VWA8: variants seen among roughly 807,000 people sequenced by gnomAD.
VWA8 encodes von Willebrand factor A domain-containing protein 8.
Under a neutral mutation model 241.5 loss-of-function variants are expected in VWA8, and 221 were observed. The observed-to-expected ratio is 0.91, with a 90% CI of 0.82 to 1.02. VWA8 has a LOEUF of 1.02. Ranked by LOEUF, VWA8 falls within the 50% of genes least tolerant of loss-of-function variation. The pLI is 0.00. For synonymous variants in VWA8, 852 were observed against 827.1 expected (o/e 1.03, Z -0.52); for missense variants, 2,322 against 2,328.7 (o/e 1.00, Z 0.06).
At chr13:41,902,295 A>G (rs1301629749) in intron 4 of VWA8, among the ~76,000 whole-genome samples, 2 of 152,236 alleles carry the variant, frequency 1.3e-5, no homozygotes, top group Admixed American at 1.3e-4. Context: ...AAACACTATA[A>G]ACTTTATATA....
chr13:41,943,979 C>A (rs894979491), intron 2 of VWA8, among the ~76,000 whole-genome samples: 2 of 151,952 alleles, frequency 1.3e-5, no homozygotes, highest in Non-Finnish European at 2.9e-5. Context: ...GTGGCGTGAG[C>A]CTGTAATCCC....
intron 21 of VWA8, among the ~76,000 whole-genome samples, chr13:41,746,199 G>A (rs2045605389): frequency 3.9e-5 from 6 of 152,062 alleles, no homozygotes; most frequent in African/African-American, 4.8e-5. Context: ...GATTTTTAAC[G>A]TTTTTCTCAA....
In VWA8 at chr13:41,732,146, T is replaced by A. The variant is rs780274879; in HGVS notation, c.2436A>T (p.Thr812=). 6.2e-7 allele frequency: 1 copy of A among 1,611,766 alleles called. No homozygotes were observed. Among genetic ancestry groups the A allele is most frequent in the Admixed American group, 1.7e-5 (1 of 59,910 alleles). Residue 812 remains threonine, a synonymous_variant, in exon 22 of 45, where the codon ACA becomes ACT. Coordinates refer to ENST00000379310, the MANE Select transcript of VWA8 (RefSeq NM_015058.2). ...REYIQLHRDT[T]VQTLTLQPSV... The stretch of plus-strand genomic sequence containing the variant: ...AAGGCTGAAGCGTAAGAGTTTGTAC[T>A]GTGGTATCCCTAAAGTAAAACCAAC...
At chr13:41,882,424 T>A (rs1276032736) in intron 9 of VWA8, among the ~76,000 whole-genome samples, 1 of 152,094 alleles carries the variant, frequency 6.6e-6, no homozygotes, top group Non-Finnish European at 1.5e-5. Context: ...GAGGCTGCAA[T>A]CTCGGCACTT....
rs1426864483 is a variant in VWA8, at chr13:41,703,406, G to A, written c.3122C>T (p.Thr1041Ile). 1.2e-6 allele frequency: 2 copies of A among 1,613,766 alleles called. No homozygotes were observed. Among genetic ancestry groups the A allele is most frequent in the Non-Finnish European group, 1.7e-6 (2 of 1,179,876 alleles). Residue 1041 changes from threonine to isoleucine, a missense_variant, in exon 27 of 45, where the codon ACT becomes ATT. Thr to Ile is a moderately conservative substitution (Grantham distance 89). Transcript: ENST00000379310. Reference protein sequence around the residue: ...PTSVQLAKELTLPEQTFMGYW... With the variant: ...PTSVQLAKELILPEQTFMGYW... ...GCCCATGAACGTTTGTTCTGGCAGA[G>A]TCAACCTGTTAAGGATGATTTGCAA... is the stretch of plus-strand genomic sequence containing the variant.
At chr13:41,815,913 G>A (rs1464460459) in intron 16 of VWA8, among the ~76,000 whole-genome samples, 1 of 152,144 alleles carries the variant, frequency 6.6e-6, no homozygotes, top group Non-Finnish European at 1.5e-5. Context: ...TGCTTAACTG[G>A]TGAGATTTGT....
chr13:41,808,839 G>A (rs1336264500), intron 17 of VWA8, among the ~76,000 whole-genome samples: 1 of 144,778 alleles, frequency 6.9e-6, no homozygotes, highest in African/African-American at 2.4e-5. Flanking sequence ...GATGATATGA[G>A]CTTATACTTG....
intron 2 of VWA8, among the ~76,000 whole-genome samples, chr13:41,932,338 A>T (rs916655309): frequency 1.3e-5 from 2 of 152,048 alleles, no homozygotes; most frequent in Non-Finnish European, 2.9e-5. Flanking sequence ...CGAAAAGAAA[A>T]CCCTGGGCCA....
At chr13:41,910,467 C>T (rs1029945766) in intron 3 of VWA8, among the ~76,000 whole-genome samples, 1 of 151,816 alleles carries the variant, frequency 6.6e-6, no homozygotes, top group African/African-American at 2.4e-5. Context: ...CGTCAGTAGT[C>T]CCAGCTAATG....
chr13:41,954,332 C>T (rs914667331), intron 1 of VWA8, among the ~76,000 whole-genome samples: 1 of 152,188 alleles, frequency 6.6e-6, no homozygotes, highest in African/African-American at 2.4e-5. Flanking sequence ...AGAGACAACT[C>T]AACAAACACA....
chr13:41,671,338 A>G (rs2045021979), intron 36 of VWA8, among the ~76,000 whole-genome samples, 191 bp from the exon 37 acceptor site: 1 of 152,218 alleles, frequency 6.6e-6, no homozygotes, highest in Non-Finnish European at 1.5e-5. Context: ...TCTTAAACAA[A>G]CATGCCCAGG....
chr13:41,768,111 A>C (rs2045791638), intron 20 of VWA8, among the ~76,000 whole-genome samples: 1 of 152,254 alleles, frequency 6.6e-6, no homozygotes, highest in African/African-American at 2.4e-5. Flanking sequence ...ATTTGATGAA[A>C]CAAGTATTTC....
intron 12 of VWA8, among the ~76,000 whole-genome samples, chr13:41,856,685 C>T (rs1428996098): frequency 6.6e-6 from 1 of 151,868 alleles, no homozygotes; most frequent in Non-Finnish European, 1.5e-5. Context: ...TTAGCCAAGC[C>T]TGCTGGTGTG....
intron 2 of VWA8, among the ~76,000 whole-genome samples, chr13:41,919,954 C>T (rs1021979111): frequency 6.6e-6 from 1 of 152,078 alleles, no homozygotes; most frequent in Non-Finnish European, 1.5e-5. Flanking sequence ...GTCAAATGGC[C>T]AAAGGGCCTT....
rs1267480520 is a variant in VWA8, at chr13:41,959,504, AAAAAAAC to A, written c.163+1342_163+1348del. On this transcript the variant is annotated intron_variant, in intron 1 of 44. Coordinates refer to ENST00000379310, the MANE Select transcript of VWA8 (RefSeq NM_015058.2). ...TAATTGAGAAAAAGCAAAAAAAAAA[AAAAAAAC>A]AAAAAGTAAAATTTGAAATTGCAAC... Among the ~76,000 whole-genome samples, 38 of 151,036 alleles carry A rather than the reference AAAAAAAC, an allele frequency of 2.5e-4. 1 individual carries two copies. In the East Asian group the frequency reaches 6.8e-3, roughly 27 times the overall value.
intron 19 of VWA8, 37 bp from the exon 20 acceptor site, chr13:41,778,093 C>A: frequency 6.7e-7 from 1 of 1,503,022 alleles, no homozygotes; most frequent in South Asian, 1.3e-5. Context: ...CTGTTTTGTA[C>A]AATCAAGGTT....
At chr13:41,699,862 G>A (rs1315045596) in intron 28 of VWA8, among the ~76,000 whole-genome samples, 1 of 152,066 alleles carries the variant, frequency 6.6e-6, no homozygotes, top group Admixed American at 6.5e-5. Flanking sequence ...ATTTGAAGAA[G>A]TCAGTGCTTC....
At chr13:41,615,548 T>C (rs2044615654) in intron 37 of VWA8, among the ~76,000 whole-genome samples, 1 of 152,244 alleles carries the variant, frequency 6.6e-6, no homozygotes, top group South Asian at 2.1e-4. Context: ...CCATTTTACA[T>C]ATAATATATG....
chr13:41,688,487 G>A (rs982912446), intron 34 of VWA8, among the ~76,000 whole-genome samples: 6 of 152,072 alleles, frequency 3.9e-5, no homozygotes, highest in South Asian at 2.1e-4. Flanking sequence ...GGAAGATGTC[G>A]CCCAGTTTCA....
Sources: allele counts gnomAD v4.1 joint callset (sites outside exome capture counted in the v4.1 genomes callset), GRCh38; gene constraint gnomAD v4.1.1; transcripts MANE v1.5; gene names NCBI Gene and HGNC (gene_info 2026-07-23, HGNC 2026-07-21).